The following UGT1A8 variants were observed in gnomAD, a reference collection of about 807,000 sequenced individuals.
The protein encoded by UGT1A8 is UDP-glucuronosyltransferase 1A8.
In UGT1A8, 39 loss-of-function variants were observed where a neutral mutation model predicts 45.3. The observed-to-expected ratio is 0.86, with a 90% CI of 0.67 to 1.12. The LOEUF (loss-of-function observed/expected upper bound fraction) is 1.12, where lower values mean the gene tolerates loss of function less well. Among genes scored for constraint, UGT1A8 ranks in the 50% most tolerant of loss-of-function variants. The pLI, the probability that UGT1A8 is intolerant of heterozygous loss-of-function variation, is 0.00. For synonymous variants in UGT1A8, 275 were observed against 249.2 expected (o/e 1.10, Z -0.97); for missense variants, 719 against 664.9 (o/e 1.08, Z -0.90).
chr2:233,690,702 A>G (rs1375778126), intron 1 of UGT1A8: 1 of 1,231,324 alleles, frequency 8.1e-7, no homozygotes, highest in Non-Finnish European at 1.0e-6. Context: ...CTCTTTAGGG[A>G]TCGTCATTAT....
At chr2:233,633,272 T>C (rs911592220) in intron 1 of UGT1A8, among the ~76,000 whole-genome samples, 5 of 152,122 alleles carry the variant, frequency 3.3e-5, no homozygotes, top group African/African-American at 9.7e-5. Flanking sequence ...CTGAAATTTT[T>C]TTGGTTGTTG....
chr2:233,698,141 G>C (rs12466747), intron 1 of UGT1A8, among the ~76,000 whole-genome samples: 27,033 of 152,174 alleles, frequency 0.18, 2,695 homozygotes, highest in Non-Finnish European at 0.23. Flanking sequence ...TGTCTCAACT[G>C]TATTCCCAGC....
chr2:233,728,353 G>C (rs563939650), intron 1 of UGT1A8, among the ~76,000 whole-genome samples: 3 of 152,192 alleles, frequency 2.0e-5, no homozygotes, highest in African/African-American at 7.2e-5. Context: ...GTGAGCAGGA[G>C]CTCCCTGAAC....
At chr2:233,693,578 A>T (rs754174364) in intron 1 of UGT1A8, 1 of 1,614,192 alleles carries the variant, frequency 6.2e-7, no homozygotes, top group Non-Finnish European at 8.5e-7. Flanking sequence ...TGTGTCCTAC[A>T]TTCCCAGGTG....
At chr2:233,650,074 G>A (rs1287182939) in intron 1 of UGT1A8, among the ~76,000 whole-genome samples, 7 of 152,252 alleles carry the variant, frequency 4.6e-5, no homozygotes, top group East Asian at 1.9e-4. Flanking sequence ...GGGTTCAAGC[G>A]ATTCACCTGC....
chr2:233,695,904 T>G (rs1053532133), intron 1 of UGT1A8, among the ~76,000 whole-genome samples: 3 of 152,084 alleles, frequency 2.0e-5, no homozygotes, highest in Non-Finnish European at 4.4e-5. Context: ...TGTGTGGGGT[T>G]TTTTTTCTCC....
At chr2:233,659,390 T>G (rs2073921811) in intron 1 of UGT1A8, among the ~76,000 whole-genome samples, 1 of 152,222 alleles carries the variant, frequency 6.6e-6, no homozygotes, top group South Asian at 2.1e-4. Flanking sequence ...GCTTTATGTG[T>G]TATATACTGT....
chr2:233,749,702 A>C lies in UGT1A8; in HGVS notation c.856-17332A>C, dbSNP rs7556792. On this transcript the variant is annotated intron_variant, in intron 1 of 4. Coordinates refer to ENST00000373450, the MANE Select transcript of UGT1A8 (RefSeq NM_019076.5). ...CAAGGACAGGATCTGGTGGGAGGTG[A>C]TTGGATCATGGGGGCAGTTTCGCAC... 9.0e-3 allele frequency among the ~76,000 whole-genome samples: 1,371 copies of C among 151,808 alleles called. 51 individuals carry two copies. The highest frequency in any genetic ancestry group is 0.032 in the African/African-American group (1,324 of 41,154).
At chr2:233,747,739 T>G in intron 1 of UGT1A8, 1 of 1,613,426 alleles carries the variant, frequency 6.2e-7, no homozygotes, top group African/African-American at 1.3e-5. Context: ...TTGAGGAACA[T>G]TCCATGTGAT....
At chr2:233,636,619 A>G (rs998630020) in intron 1 of UGT1A8, 2 of 1,614,118 alleles carry the variant, frequency 1.2e-6, no homozygotes, top group South Asian at 1.1e-5. Flanking sequence ...GGTAGTGCCC[A>G]TGGATGGGAG....
chr2:233,703,167 A>G (rs888972017), intron 1 of UGT1A8, among the ~76,000 whole-genome samples: 40 of 152,060 alleles, frequency 2.6e-4, no homozygotes, highest in African/African-American at 9.2e-4. Context: ...TCTTGATTCA[A>G]TTTCAGTAGT....
intron 1 of UGT1A8, among the ~76,000 whole-genome samples, chr2:233,756,977 A>G (rs1696373315): frequency 6.6e-6 from 1 of 152,008 alleles, no homozygotes; most frequent in South Asian, 2.1e-4. Flanking sequence ...CACGCAATGA[A>G]CAGTCATAGT....
At chr2:233,767,774 T>A in intron 2 of UGT1A8, 75 bp from the exon 3 acceptor site, 1 of 1,612,214 alleles carries the variant, frequency 6.2e-7, no homozygotes, top group Non-Finnish European at 8.5e-7. Context: ...CCCTGTTTTC[T>A]AGTTAGTATA....
At chr2:233,658,163 T>G (rs1046799978) in intron 1 of UGT1A8, among the ~76,000 whole-genome samples, 34 of 151,796 alleles carry the variant, frequency 2.2e-4, no homozygotes, top group African/African-American at 8.0e-4. Flanking sequence ...GGATTACAGG[T>G]GCACACCACC....
At chr2:233,748,774 G>A (rs2125894622) in intron 1 of UGT1A8, among the ~76,000 whole-genome samples, 2 of 151,474 alleles carry the variant, frequency 1.3e-5, no homozygotes, top group Middle Eastern at 6.8e-3. Flanking sequence ...AGGTCAATTG[G>A]GTCTTCTACT....
chr2:233,618,114 A>C lies in UGT1A8; in HGVS notation c.407A>C (p.Tyr136Ser). Reference protein sequence around the residue: ...SLFNDRKLVEYLKESSFDAVF... With the variant: ...SLFNDRKLVESLKESSFDAVF... Reference sequence around the variant, plus strand: ...TTTAATGACCGAAAATTAGTAGAATACTTAAAGGAGAGTTCTTTTGATGCG... The same window carrying C: ...TTTAATGACCGAAAATTAGTAGAATCCTTAAAGGAGAGTTCTTTTGATGCG... Residue 136 changes from tyrosine to serine, a missense_variant, in exon 1 of 5, where the codon TAC becomes TCC. Transcript: ENST00000373450. 6.2e-7 allele frequency: 1 copy of C among 1,614,116 alleles called. No individual in the cohort carries two copies. The highest frequency in any genetic ancestry group is 8.5e-7 in the Non-Finnish European group (1 of 1,180,026).
chr2:233,691,739 T>C (rs1209957250), intron 1 of UGT1A8: 1 of 680,588 alleles, frequency 1.5e-6, no homozygotes, highest in Non-Finnish European at 1.8e-6. Flanking sequence ...CAGAAGCAGA[T>C]ACCAGGCTTT....
intron 1 of UGT1A8, among the ~76,000 whole-genome samples, chr2:233,656,343 T>C (rs2073852984): frequency 6.6e-6 from 1 of 152,224 alleles, no homozygotes; most frequent in South Asian, 2.1e-4. Context: ...GTCACTGGTC[T>C]TCTTACCAGG....
chr2:233,743,988 C>A (rs893316227), intron 1 of UGT1A8: 2 of 1,273,412 alleles, frequency 1.6e-6, no homozygotes, highest in Non-Finnish European at 1.0e-6. Flanking sequence ...CAGGCGCAGG[C>A]CCGAGTGCTC....
Sources: allele counts gnomAD v4.1 joint callset (sites outside exome capture counted in the v4.1 genomes callset), GRCh38; gene constraint gnomAD v4.1.1; transcripts MANE v1.5; gene names NCBI Gene and HGNC (gene_info 2026-07-23, HGNC 2026-07-21).